The following TTN variants were observed in gnomAD, a reference collection of about 807,000 sequenced individuals.
TTN encodes the protein titin, also known as connectin.
A neutral mutation model predicts 3,223.0 loss-of-function variants in TTN; 1,525 were observed. The observed-to-expected ratio is 0.47, with a 90% CI of 0.45 to 0.49. The LOEUF is 0.49. Among genes scored for constraint, TTN ranks in the 20% least tolerant of loss-of-function variants. The pLI is 0.00. For synonymous variants in TTN, 14,094 were observed against 15,161.0 expected (o/e 0.93, Z 5.17); for missense variants, 40,786 against 43,424.0 (o/e 0.94, Z 5.40).
intron 298 of TTN, 37 bp from the exon 299 acceptor site, chr2:178,593,512 T>G: frequency 6.3e-7 from 1 of 1,597,282 alleles, no homozygotes; most frequent in Non-Finnish European, 8.5e-7. Flanking sequence ...AGAAATTTAT[T>G]TCTTTATATT....
At position 178,672,622 on chromosome 2, in the gene TTN, A is replaced by G. The variant is rs771465819; in HGVS notation, c.34855+13T>C. 3.7e-6 allele frequency: 6 copies of G among 1,611,940 alleles called. No individual in the cohort carries two copies. The South Asian group carries it at 5.5e-5, about 15-fold the overall frequency. On this transcript the variant is annotated intron_variant, in intron 153 of 362. Transcript: ENST00000589042. ...GACAGAAGAGGAAGTCAGGTTTAAA[A>G]GAGAAGATGTACCTTTGGCTGGGGG... is the stretch of plus-strand genomic sequence containing the variant.
In TTN at chr2:178,756,421, A is replaced by G; in HGVS notation, c.11055T>C (p.Asp3685=). 1 of 1,613,842 alleles carries G rather than the reference A, an allele frequency of 6.2e-7. No homozygotes were observed. Among genetic ancestry groups the G allele is most frequent in the East Asian group, 2.2e-5 (1 of 44,824 alleles). ...DTAQFLCVLK[D]DSFIDVTWTH... The stretch of plus-strand genomic sequence containing the variant: ...TCCAGGTTACATCAATGAAAGAATC[A>G]TCTTTTAAAACACAGAGGAATTGAG... Residue 3685 remains aspartate (D), a synonymous_variant, in exon 46 of 363, where the codon GAT becomes GAC. Coordinates refer to ENST00000589042, the MANE Select transcript of TTN (RefSeq NM_001267550.2).
chr2:178,703,077 G>T (rs926488960), intron 106 of TTN, among the ~76,000 whole-genome samples: 1 of 152,202 alleles, frequency 6.6e-6, no homozygotes, highest in South Asian at 2.1e-4. Context: ...ATCTATAATT[G>T]TTTATCTAAT....
At chr2:178,751,672 T>C in intron 47 of TTN, 1 of 1,613,382 alleles carries the variant, frequency 6.2e-7, no homozygotes, top group South Asian at 1.1e-5. Flanking sequence ...ACCTATAACT[T>C]CCAGAATCTC....
intron 56 of TTN, 37 bp downstream of exon 56, chr2:178,732,403 A>T (rs1230176568): frequency 1.3e-6 from 2 of 1,578,890 alleles, no homozygotes; most frequent in Admixed American, 3.6e-5. Flanking sequence ...AATTTATAAC[A>T]AGGTTAGCAC....
intron 221 of TTN, among the ~76,000 whole-genome samples, chr2:178,640,326 T>G (rs2061069954): frequency 2.0e-5 from 3 of 152,026 alleles, no homozygotes; most frequent in African/African-American, 4.8e-5. Context: ...ATTTATCTCA[T>G]TGCCCATAAA....
rs2081384233 is a variant in TTN, at chr2:178,736,030, T to C, written c.14416A>G (p.Thr4806Ala). The change falls in exon 50 of 363, where the codon ACT (threonine) becomes GCT (alanine). Residue 4806 changes from threonine to alanine, a missense_variant. Physicochemically the swap from Thr to Ala is moderately conservative, Grantham distance 58. Coordinates refer to ENST00000589042, the MANE Select transcript of TTN (RefSeq NM_001267550.2). ...AACTTGGCTGCCTTACCCACAAAAG[T>C]TGTAAGGGACTTAGGTCTGGAGAGA... is the stretch of plus-strand genomic sequence containing the variant. ...TFLSRPKSLT[T>A]FVGKAAKFIC... 6.2e-7 allele frequency: 1 copy of C among 1,610,582 alleles called. No homozygotes were observed. Among genetic ancestry groups the C allele is most frequent in the Admixed American group, 1.7e-5 (1 of 59,744 alleles).
intron 156 of TTN, among the ~76,000 whole-genome samples, chr2:178,670,598 A>G (rs1468516033): frequency 6.6e-6 from 1 of 152,008 alleles, no homozygotes. Context: ...CTTCAGTGAT[A>G]ACTTACGCAC....
intron 18 of TTN, 91 bp from the exon 19 acceptor site, chr2:178,782,693 C>A (rs2092886790): frequency 6.2e-7 from 1 of 1,603,984 alleles, no homozygotes. Context: ...AATCTCCCCC[C>A]AAGTTCCAAA....
Position 178,614,148 on chromosome 2 carries a change from G to A in TTN, c.49249C>T (p.Pro16417Ser). ...ACTCTGAAGATGTACTCTTTATTGGGGATTAATTTGGTGGCCTTGAAGTTT... is the reference window on the plus strand; with the variant it reads ...ACTCTGAAGATGTACTCTTTATTGGAGATTAATTTGGTGGCCTTGAAGTTT... Reference protein sequence around the residue: ...DTNFKATKLIPNKEYIFRVAA... With the variant: ...DTNFKATKLISNKEYIFRVAA... The change falls in exon 262 of 363, where the codon CCC (proline) becomes TCC (serine). Residue 16417 changes from proline to serine, a missense_variant. By Grantham distance (74) the Pro-to-Ser change is moderately conservative (BLOSUM62 -1). Coordinates refer to ENST00000589042, the MANE Select transcript of TTN (RefSeq NM_001267550.2). The A allele has an allele frequency of 6.2e-7, 1 of 1,612,348 alleles. No individual in the cohort carries two copies. Among genetic ancestry groups the A allele is most frequent in the South Asian group, 1.1e-5 (1 of 91,018 alleles).
chr2:178,613,356 TA>T (rs2056700291), intron 263 of TTN, 80 bp from the exon 264 acceptor site: 4 of 1,063,086 alleles, frequency 3.8e-6, no homozygotes, highest in East Asian at 5.2e-5. Flanking sequence ...CAGAAGAGAC[TA>T]ATTTATTTAA....
chr2:178,756,756 C>T lies in TTN; in HGVS notation c.10720G>A (p.Glu3574Lys), dbSNP rs1307785446. ...GCCACTGCCTGGGACTTGGTGGACTCTCTTACATCTTTCCCAGAACTTTGC... is the reference window on the plus strand; with the variant it reads ...GCCACTGCCTGGGACTTGGTGGACTTTCTTACATCTTTCCCAGAACTTTGC... Reference protein sequence around the residue: ...DRQSSGKDVRESTKSQAVADS... With the variant: ...DRQSSGKDVRKSTKSQAVADS... The change falls in exon 46 of 363, where the codon GAG becomes AAG. Residue 3574 changes from glutamate to lysine, a missense_variant. Coordinates refer to ENST00000589042, the MANE Select transcript of TTN (RefSeq NM_001267550.2). The T allele has an allele frequency of 6.2e-7, 1 of 1,613,782 alleles. No individual in the cohort carries two copies. Among genetic ancestry groups the T allele is most frequent in the Non-Finnish European group, 8.5e-7 (1 of 1,179,788 alleles).
chr2:178,707,712 T>C lies in TTN; in HGVS notation c.28855A>G (p.Ile9619Val). 5 of 1,613,964 alleles carry C rather than the reference T, an allele frequency of 3.1e-6. No individual in the cohort carries two copies. The highest frequency in any genetic ancestry group is 3.4e-6 in the Non-Finnish European group (4 of 1,179,846). Residue 9619 changes from isoleucine to valine, a missense_variant, in exon 100 of 363, where the codon ATT becomes GTT. Ile to Val is a conservative substitution (Grantham distance 29). Transcript: ENST00000589042. ...LSCHVQGSEP[I>V]RIQWLKAGRE... Reference sequence around the variant, plus strand: ...CCAGCCTTCAACCACTGGATCCTAATTGGCTCAGATCCCTGGACATGGCAG... The same window carrying C: ...CCAGCCTTCAACCACTGGATCCTAACTGGCTCAGATCCCTGGACATGGCAG...
At chr2:178,653,199 GA>G (rs767993269) in intron 198 of TTN, 38 bp downstream of exon 198, 4 of 1,610,920 alleles carry the variant, frequency 2.5e-6, no homozygotes, top group Non-Finnish European at 2.5e-6. Flanking sequence ...AACTGCAAAA[GA>G]ATTAGATCAT....
In TTN at chr2:178,757,540, A is replaced by C; in HGVS notation, c.10678+2T>G. On this transcript the variant is annotated splice_donor_variant, in intron 45 of 362. Transcript: ENST00000589042. LOFTEE classifies it high-confidence loss of function. ...AAGTCCTTGAAGCAAGATGGGCTTT[A>C]CCTTTTGGAGTCACTGTGAGTGTAG... 6.5e-7 allele frequency: 1 copy of C among 1,548,318 alleles called. No individual in the cohort carries two copies. Among genetic ancestry groups the C allele is most frequent in the Non-Finnish European group, 8.7e-7 (1 of 1,146,100 alleles).
chr2:178,790,215 A>T (rs1379309485), intron 11 of TTN, 100 bp from the exon 12 acceptor site: 2 of 1,295,222 alleles, frequency 1.5e-6, no homozygotes, highest in African/African-American at 3.0e-5. Flanking sequence ...ATTTCTTCCT[A>T]TTCAAGGAAA....
rs879047941 is a variant in TTN, at chr2:178,533,879, G to A, written c.102736C>T (p.Arg34246Cys). The change falls in exon 358 of 363, where the codon CGC becomes TGC. Residue 34246 changes from arginine to cysteine, a missense_variant. Coordinates refer to ENST00000589042, the MANE Select transcript of TTN (RefSeq NM_001267550.2). ...YCRRTMKKIK[R>C]RTDTMRLLER... ...AGGAGTCTCATTGTGTCTGTTCTGC[G>A]CTTAATTTTCTTCATGGTTCTACGG... 3.4e-5 allele frequency: 55 copies of A among 1,613,678 alleles called. No homozygotes were observed. The highest frequency in any genetic ancestry group is 8.3e-5 in the Admixed American group (5 of 59,986).
At chr2:178,647,585 C>T (rs765092194) in intron 213 of TTN, 121 bp from the exon 214 acceptor site, 7 of 898,130 alleles carry the variant, frequency 7.8e-6, no homozygotes, top group African/African-American at 1.7e-5. Flanking sequence ...AAAATGGCTT[C>T]TGAGACATGG....
chr2:178,693,913 G>A lies in TTN; in HGVS notation c.31513+9C>T. 6.2e-7 allele frequency: 1 copy of A among 1,611,328 alleles called. No individual in the cohort carries two copies. The highest frequency in any genetic ancestry group is 8.5e-7 in the Non-Finnish European group (1 of 1,178,092). The stretch of plus-strand genomic sequence containing the variant: ...CATTTGAGCCCCCACATTCCAGTTT[G>A]CCTTATACCTGTGACTGACACCTCC... On this transcript the variant is annotated intron_variant, in intron 118 of 362. Coordinates refer to ENST00000589042, the MANE Select transcript of TTN (RefSeq NM_001267550.2).
Sources: gnomAD v4.1 joint callset for allele counts (sites outside exome capture counted in the v4.1 genomes callset) on GRCh38, gnomAD v4.1.1 for gene constraint, MANE v1.5 for transcripts, NCBI Gene and HGNC (gene_info 2026-07-23, HGNC 2026-07-21) for gene names.